SSBP3: variants seen among roughly 807,000 people sequenced by gnomAD.
The protein encoded by SSBP3 is single stranded DNA binding protein 3, also known as single-stranded DNA-binding protein 3.
Under a neutral mutation model 69.6 loss-of-function variants are expected in SSBP3, and 5 were observed. That is an observed-to-expected ratio of 0.07 (90% CI 0.04 to 0.15). The LOEUF is 0.15. Among genes scored for constraint, SSBP3 ranks in the 10% least tolerant of loss-of-function variants. The pLI is 1.00. For synonymous variants in SSBP3, 196 were observed against 193.4 expected (o/e 1.01, Z -0.11); for missense variants, 312 against 534.0 (o/e 0.58, Z 4.10).
At chr1:54,289,839 C>T (rs372041897) in intron 4 of SSBP3, among the ~76,000 whole-genome samples, 3 of 152,190 alleles carry the variant, frequency 2.0e-5, no homozygotes, top group East Asian at 1.9e-4. Flanking sequence ...GGGGCTTGTT[C>T]GCTTTCCCTC....
chr1:54,241,369 CAGA>C, intron 12 of SSBP3, 102 bp downstream of exon 12: 1 of 1,269,692 alleles, frequency 7.9e-7, no homozygotes, highest in Non-Finnish European at 1.2e-6. Context: ...AACCTCTGCT[CAGA>C]AGAATGTGTG....
chr1:54,238,214 C>T (rs192204529), intron 14 of SSBP3: 24 of 471,078 alleles, frequency 5.1e-5, no homozygotes, highest in East Asian at 4.2e-4. Flanking sequence ...GGGTTTAACA[C>T]GTGGGGTGAT....
chr1:54,315,067 T>C (rs1646071565), intron 4 of SSBP3, among the ~76,000 whole-genome samples: 1 of 152,172 alleles, frequency 6.6e-6, no homozygotes, highest in African/African-American at 2.4e-5. Context: ...GGCTGCTGGC[T>C]CTTATCCATC....
At chr1:54,310,578 C>A (rs185318187) in intron 4 of SSBP3, among the ~76,000 whole-genome samples, 29 of 152,184 alleles carry the variant, frequency 1.9e-4, no homozygotes, top group South Asian at 1.2e-3. Flanking sequence ...CCCAACACAC[C>A]CCAACCCACT....
chr1:54,259,626 G>A (rs797015276), intron 5 of SSBP3, among the ~76,000 whole-genome samples: 1 of 152,356 alleles, frequency 6.6e-6, no homozygotes, highest in African/African-American at 2.4e-5. Context: ...AGCTGCCTAG[G>A]TAGGGTTTCC....
chr1:54,376,433 G>A (rs546084909), intron 4 of SSBP3, among the ~76,000 whole-genome samples: 13 of 152,268 alleles, frequency 8.5e-5, no homozygotes, highest in South Asian at 4.1e-4. Flanking sequence ...ACCTGAAGAC[G>A]CAGCCCTTAC....
intron 4 of SSBP3, among the ~76,000 whole-genome samples, chr1:54,297,546 G>A (rs899630704): frequency 4.6e-5 from 7 of 152,166 alleles, no homozygotes; most frequent in Admixed American, 2.6e-4. Flanking sequence ...CAGGAGAATC[G>A]CTTGAACTTG....
chr1:54,304,974 C>T (rs576116480), intron 4 of SSBP3, among the ~76,000 whole-genome samples: 11 of 152,240 alleles, frequency 7.2e-5, no homozygotes, highest in South Asian at 4.2e-4. Flanking sequence ...GGACCCGGAG[C>T]GGCTCTTAGT....
intron 14 of SSBP3, among the ~76,000 whole-genome samples, chr1:54,233,307 CCGCGACCCCGTCTGGGAGGTGAGG>C (rs1644417067): frequency 6.6e-6 from 1 of 151,258 alleles, no homozygotes; most frequent in Non-Finnish European, 1.5e-5. Context: ...CTCTGCCCGG[CCGCGACCCCGTCTGGGAGGTGAGG>C]AGCGTCTCTG....
At chr1:54,312,751 C>T (rs904240199) in intron 4 of SSBP3, among the ~76,000 whole-genome samples, 1 of 152,136 alleles carries the variant, frequency 6.6e-6, no homozygotes, top group Non-Finnish European at 1.5e-5. Context: ...TGTCAGGGGG[C>T]TACCAGGCCT....
intron 4 of SSBP3, among the ~76,000 whole-genome samples, chr1:54,325,184 G>A (rs1240424716): frequency 2.0e-5 from 3 of 152,162 alleles, no homozygotes; most frequent in African/African-American, 7.2e-5. Context: ...CCTCATCCCA[G>A]CACGAGTCAC....
chr1:54,391,727 A>G (rs752290962), intron 4 of SSBP3, among the ~76,000 whole-genome samples: 27 of 152,234 alleles, frequency 1.8e-4, no homozygotes, highest in Non-Finnish European at 2.9e-4. Context: ...CTGCCCTGGA[A>G]GCTGTGCAAA....
intron 4 of SSBP3, among the ~76,000 whole-genome samples, chr1:54,294,142 C>CAA (rs1223376233): frequency 5.5e-4 from 23 of 41,452 alleles, no homozygotes; most frequent in African/African-American, 1.4e-3. Context: ...GACTCCATCT[C>CAA]AAAAAAAAAA....
intron 9 of SSBP3, among the ~76,000 whole-genome samples, chr1:54,249,467 G>A (rs913772188): frequency 1.3e-5 from 2 of 152,122 alleles, no homozygotes; most frequent in East Asian, 1.9e-4. Context: ...GGCTGAGGTC[G>A]GGGGATCACT....
At position 54,240,122 on chromosome 1, in the gene SSBP3, A is replaced by C. The variant is rs199887083; in HGVS notation, c.856+783T>G. Among the ~76,000 whole-genome samples, 119 of 78,052 alleles carry C rather than the reference A, an allele frequency of 1.5e-3. 6 individuals are homozygous for C. Among genetic ancestry groups the C allele is most frequent in the Admixed American group, 6.0e-3 (49 of 8,196 alleles). 51.2% of individuals were successfully genotyped at this position (78,052 alleles called of 152,430 possible). On this transcript the variant is annotated intron_variant, in intron 13 of 17. Coordinates refer to ENST00000610401, the Ensembl canonical transcript of SSBP3. ...CGCGTGTGCGTGCGCGCGCGCGCGC[A>C]ACACATGCCCACGTATGTGCACGCA...
intron 5 of SSBP3, among the ~76,000 whole-genome samples, chr1:54,269,678 A>G (rs547419165): frequency 1.6e-4 from 25 of 152,328 alleles, no homozygotes; most frequent in African/African-American, 6.0e-4. Flanking sequence ...AGAAGGGGAG[A>G]GGAGAAGGCT....
At chr1:54,227,185 G>GA in intron 17 of SSBP3, 25 bp from the exon 18 acceptor site, 1 of 1,193,948 alleles carries the variant, frequency 8.4e-7, no homozygotes. Flanking sequence ...CAGAGAAGGG[G>GA]GGGGGGTGAG....
chr1:54,263,043 G>C (rs1461185971), intron 5 of SSBP3, among the ~76,000 whole-genome samples: 2 of 152,194 alleles, frequency 1.3e-5, no homozygotes, highest in Admixed American at 1.3e-4. Context: ...ACTGGGTAGT[G>C]TTCCATCCAG....
intron 4 of SSBP3, among the ~76,000 whole-genome samples, chr1:54,329,105 G>C: frequency 6.6e-6 from 1 of 152,198 alleles, no homozygotes; most frequent in East Asian, 1.9e-4. Context: ...GAAAAGAAAT[G>C]CATCTCCTGG....
Sources: allele counts gnomAD v4.1 joint callset (sites outside exome capture counted in the v4.1 genomes callset), GRCh38; gene constraint gnomAD v4.1.1; transcripts MANE v1.5; gene names NCBI Gene and HGNC (gene_info 2026-07-23, HGNC 2026-07-21).